MTPAP: variants seen among roughly 807,000 people sequenced by gnomAD.
MTPAP encodes mitochondrial poly(A) polymerase, also known as poly(A) RNA polymerase, mitochondrial.
Under a neutral mutation model 48.7 loss-of-function variants are expected in MTPAP, and 23 were observed. That is an observed-to-expected ratio of 0.47 (90% CI 0.34 to 0.67). The LOEUF (loss-of-function observed/expected upper bound fraction) is 0.67. MTPAP is among the 30% of genes least tolerant of loss of function. MTPAP has a pLI of 0.01. For synonymous variants in MTPAP, 257 were observed against 254.1 expected (o/e 1.01, Z -0.11); for missense variants, 614 against 694.3 (o/e 0.88, Z 1.30).
At chr10:30,341,836 G>A (rs1834811522) in intron 1 of MTPAP, among the ~76,000 whole-genome samples, 196 bp from the exon 2 acceptor site, 1 of 152,176 alleles carries the variant, frequency 6.6e-6, no homozygotes, top group African/African-American at 2.4e-5. Context: ...CAAGATGCCT[G>A]TAAATGCTTA....
At chr10:30,331,710 G>A (rs898521521) in intron 4 of MTPAP, among the ~76,000 whole-genome samples, 1 of 152,206 alleles carries the variant, frequency 6.6e-6, no homozygotes, top group African/African-American at 2.4e-5. Flanking sequence ...GGGATTACAG[G>A]CACCCGCCAT....
At position 30,310,802 on chromosome 10, in the gene MTPAP, G is replaced by A. The variant is rs926596078; in HGVS notation, c.*2807C>T. ...TAATCCCAGTTACTTGGGAGGCTGG[G>A]GCAGGAGTATCGCTTGAACCCAGGA... On this transcript the variant is annotated 3_prime_UTR_variant, in exon 9 of 9. Transcript: ENST00000263063. 1.3e-5 allele frequency: 2 copies of A among 151,838 alleles called. No individual in the cohort carries two copies. Among genetic ancestry groups the A allele is most frequent in the African/African-American group, 2.4e-5 (1 of 41,274 alleles). 9.4% of individuals were successfully genotyped at this position (151,838 alleles called of 1,614,324 possible).
In MTPAP at chr10:30,313,853, G is replaced by A. The variant is rs866242730; in HGVS notation, c.1505C>T (p.Ala502Val). ...TTGTAAAATCCAGGCACTTTCTCGG[G>A]CCAAATCTACAAATTTTTGCAGCTG... ...QSQLQKFVDL[A>V]RESAWILQQE... The change falls in exon 9 of 9, where the codon GCC (alanine) becomes GTC (valine). Residue 502 changes from alanine (A) to valine (V), a missense_variant. Physicochemically the swap from Ala to Val is moderately conservative, Grantham distance 64 (BLOSUM62 0). This residue lies in a region of MTPAP where 109 missense variants were observed against 100.5 expected (regional missense o/e 1.08). Transcript: ENST00000263063. The A allele has an allele frequency of 6.2e-7, 1 of 1,614,146 alleles. No homozygotes were observed. Among genetic ancestry groups the A allele is most frequent in the Non-Finnish European group, 8.5e-7 (1 of 1,180,026 alleles).
At position 30,333,698 on chromosome 10, in the gene MTPAP, T is replaced by G. The variant is rs956501473; in HGVS notation, c.780+3105A>C. On this transcript the variant is annotated intron_variant, in intron 4 of 8. Transcript: ENST00000263063. ...GGGAGGCCGAGGTGGGTGGATCACC[T>G]GAACTCAGGAGTTCGAGACCACCCT... is the stretch of plus-strand genomic sequence containing the variant. Among the ~76,000 whole-genome samples the G allele has an allele frequency of 1.3e-5, 2 of 152,174 alleles. 1 individual carries two copies. Among genetic ancestry groups the G allele is most frequent in the Admixed American group, 1.3e-4 (2 of 15,272 alleles).
At chr10:30,338,056 G>C (rs975722892) in intron 3 of MTPAP, among the ~76,000 whole-genome samples, 1 of 151,580 alleles carries the variant, frequency 6.6e-6, no homozygotes, top group Non-Finnish European at 1.5e-5. Context: ...GCTCAGGAGT[G>C]AGACCAGCCT....
intron 4 of MTPAP, among the ~76,000 whole-genome samples, chr10:30,334,163 A>G (rs1834703255): frequency 6.6e-6 from 1 of 152,134 alleles, no homozygotes; most frequent in Non-Finnish European, 1.5e-5. Context: ...ATACTACAAA[A>G]AAGGAGTGGT....
rs377094671 is a variant in MTPAP at position 30,336,807 on chromosome 10, T to C, written c.776A>G (p.His259Arg). 1.2e-6 allele frequency: 2 copies of C among 1,600,608 alleles called. No individual in the cohort carries two copies. Among genetic ancestry groups the C allele is most frequent in the South Asian group, 1.1e-5 (1 of 90,762 alleles). ...DLDETRNLSA[H>R]KISGNFLMEF... is the part of the protein sequence containing the mutation. Reference sequence around the variant, plus strand: ...GGTCAAAAGAAATAGACTTACCTTGTGAGCGCTGAGGTTTCTGGTTTCATC... The same window carrying C: ...GGTCAAAAGAAATAGACTTACCTTGCGAGCGCTGAGGTTTCTGGTTTCATC... Residue 259 changes from histidine (H) to arginine (R), a missense_variant, in exon 4 of 9, where the codon CAC becomes CGC. This residue lies in a region of MTPAP where 261 missense variants were observed against 355.4 expected (regional missense o/e 0.73). Transcript: ENST00000263063.
At chr10:30,321,160 A>C (rs368533948) in intron 6 of MTPAP, among the ~76,000 whole-genome samples, 13 of 152,206 alleles carry the variant, frequency 8.5e-5, no homozygotes, top group African/African-American at 3.1e-4. Context: ...CCTTTATTTT[A>C]ATCTCAAAAG....
chr10:30,348,383 A>G (rs1195793067), intron 1 of MTPAP, among the ~76,000 whole-genome samples: 1 of 152,240 alleles, frequency 6.6e-6, no homozygotes, highest in Non-Finnish European at 1.5e-5. Context: ...GACCTTGCCT[A>G]AGTTATTTAC....
At chr10:30,329,292 A>C (rs1248389732) in intron 4 of MTPAP, among the ~76,000 whole-genome samples, 1 of 151,836 alleles carries the variant, frequency 6.6e-6, no homozygotes, top group Non-Finnish European at 1.5e-5. Context: ...GCAGTGGTGC[A>C]ACCAAGCTCA....
chr10:30,336,002 T>C (rs1327249975), intron 4 of MTPAP, among the ~76,000 whole-genome samples: 1 of 151,552 alleles, frequency 6.6e-6, no homozygotes, highest in Non-Finnish European at 1.5e-5. Flanking sequence ...AGAGTGAGAC[T>C]CAGCCTCAAA....
chr10:30,339,108 G>A (rs555050849), intron 3 of MTPAP, among the ~76,000 whole-genome samples: 64 of 152,072 alleles, frequency 4.2e-4, no homozygotes, highest in Non-Finnish European at 6.5e-4. Context: ...GGGCGACAGA[G>A]CAAGAGTCCG....
At chr10:30,316,273 C>T in intron 6 of MTPAP, 63 bp from the exon 7 acceptor site, 1 of 1,246,026 alleles carries the variant, frequency 8.0e-7, no homozygotes, top group Non-Finnish European at 1.2e-6. Context: ...GATGGAGTCT[C>T]ACTCTGTCAT....
intron 1 of MTPAP, among the ~76,000 whole-genome samples, chr10:30,347,990 C>T (rs1012884940): frequency 6.6e-6 from 1 of 152,098 alleles, no homozygotes; most frequent in African/African-American, 2.4e-5. Context: ...ACCCTGTTCC[C>T]TCATCTATAA....
At chr10:30,324,990 CAAAAA>C (rs58151057) in intron 5 of MTPAP, among the ~76,000 whole-genome samples, 1 of 123,012 alleles carries the variant, frequency 8.1e-6, no homozygotes, top group Non-Finnish European at 1.8e-5. Context: ...GACTATGTCT[CAAAAA>C]AAAAAAAAGA....
intron 6 of MTPAP, among the ~76,000 whole-genome samples, chr10:30,317,818 T>C (rs968415728): frequency 6.6e-6 from 1 of 152,170 alleles, no homozygotes; most frequent in Admixed American, 6.6e-5. Flanking sequence ...ATCTAGCATA[T>C]AGCAGGTATA....
chr10:30,340,381 G>T lies in MTPAP; in HGVS notation c.400C>A (p.Pro134Thr), dbSNP rs1386738977. The T allele has an allele frequency of 6.2e-7, 1 of 1,614,176 alleles. No individual in the cohort carries two copies. Among genetic ancestry groups the T allele is most frequent in the Admixed American group, 1.7e-5 (1 of 59,998 alleles). The stretch of plus-strand genomic sequence containing the variant: ...ATTGCAGTCTCCATGGCCGTGCTTG[G>T]AGTATGAGTCCCATTCTGCAGTGAA... ...IGSLQNGTHTPSTAMETAIPF... is the reference protein window; with the variant it reads ...IGSLQNGTHTTSTAMETAIPF... Residue 134 changes from proline to threonine, a missense_variant, in exon 3 of 9, where the codon CCA becomes ACA. Transcript: ENST00000263063.
intron 1 of MTPAP, among the ~76,000 whole-genome samples, chr10:30,343,464 T>C (rs923949489): frequency 6.6e-6 from 1 of 151,172 alleles, no homozygotes; most frequent in African/African-American, 2.4e-5. Context: ...AAAATGTAAA[T>C]GATGTATAGA....
intron 2 of MTPAP, 48 bp from the exon 3 acceptor site, chr10:30,340,498 T>C (rs751261841): frequency 8.0e-7 from 1 of 1,255,244 alleles, no homozygotes; most frequent in East Asian, 2.3e-5. Flanking sequence ...ACGATATATC[T>C]AACATACTAT....
Sources: allele counts gnomAD v4.1 joint callset (sites outside exome capture counted in the v4.1 genomes callset), GRCh38; gene constraint gnomAD v4.1.1; regional missense constraint gnomAD v4.1.1; transcripts MANE v1.5; gene names NCBI Gene and HGNC (gene_info 2026-07-23, HGNC 2026-07-21).